RBFOX1: variants seen among roughly 807,000 people sequenced by gnomAD.
RBFOX1 encodes RNA binding fox-1 homolog 1, also known as RNA binding protein fox-1 homolog 1.
In RBFOX1, 8 loss-of-function variants were observed where a neutral mutation model predicts 57.7. The ratio of observed to expected loss-of-function variants is 0.14; its 90% CI spans 0.08 to 0.25. The LOEUF is 0.25. Ranked by LOEUF, RBFOX1 falls within the 10% of genes least tolerant of loss-of-function variation. RBFOX1 has a pLI of 1.00. For missense variants in RBFOX1, 611 were observed against 548.5 expected (o/e 1.11, Z -1.14); for synonymous variants, 326 against 222.4 (o/e 1.47, Z -4.15).
intron 4 of RBFOX1, among the ~76,000 whole-genome samples, chr16:5,935,429 G>C (rs2059148567): frequency 6.6e-6 from 1 of 152,178 alleles, no homozygotes; most frequent in African/African-American, 2.4e-5. Context: ...AGCATAAGGA[G>C]ATTTAGGAAT....
At chr16:6,734,058 G>T (rs2069406139) in intron 3 of RBFOX1, among the ~76,000 whole-genome samples, 1 of 152,160 alleles carries the variant, frequency 6.6e-6, no homozygotes, top group South Asian at 2.1e-4. Flanking sequence ...GGTCATTTTA[G>T]AGAACTTATA....
At chr16:6,830,562 G>T (rs1201844904) in intron 3 of RBFOX1, among the ~76,000 whole-genome samples, 3 of 152,158 alleles carry the variant, frequency 2.0e-5, no homozygotes, top group Admixed American at 6.5e-5. Context: ...ATTCTGGTTT[G>T]TCAGAATGGG....
chr16:7,046,023 ACTTGTATTT>A (rs2047814848), intron 3 of RBFOX1, among the ~76,000 whole-genome samples: 1 of 152,156 alleles, frequency 6.6e-6, no homozygotes. Context: ...TTTTAAAAAC[ACTTGTATTT>A]CTGCAAGGTA....
chr16:6,857,300 A>G (rs553738049), intron 3 of RBFOX1, among the ~76,000 whole-genome samples: 1 of 152,314 alleles, frequency 6.6e-6, no homozygotes, highest in African/African-American at 2.4e-5. Flanking sequence ...CCAAAGAAGA[A>G]GTCAACACCT....
intron 3 of RBFOX1, among the ~76,000 whole-genome samples, chr16:6,667,390 G>C (rs2154105764): frequency 6.6e-6 from 1 of 152,292 alleles, no homozygotes; most frequent in East Asian, 1.9e-4. Flanking sequence ...GTGGCTAAGA[G>C]CTTCAGCTTA....
intron 4 of RBFOX1, among the ~76,000 whole-genome samples, chr16:7,280,280 T>C (rs2095515640): frequency 6.6e-6 from 1 of 152,226 alleles, no homozygotes; most frequent in African/African-American, 2.4e-5. Context: ...CTTCCCCAGC[T>C]TCACTTAGAT....
chr16:7,074,405 C>T (rs1179427571), intron 4 of RBFOX1, among the ~76,000 whole-genome samples: 1 of 151,924 alleles, frequency 6.6e-6, no homozygotes, highest in African/African-American at 2.4e-5. Context: ...GCAAAAGCTG[C>T]AATTATTTTG....
chr16:5,379,707 C>A (rs144335479), intron 1 of RBFOX1, among the ~76,000 whole-genome samples: 512 of 152,218 alleles, frequency 3.4e-3, no homozygotes, highest in Middle Eastern at 0.02. Context: ...TCTGGAGGAC[C>A]CTGGGGGTCT....
At chr16:7,663,254 C>G (rs143552618) in intron 12 of RBFOX1, among the ~76,000 whole-genome samples, 4 of 152,322 alleles carry the variant, frequency 2.6e-5, no homozygotes, top group Admixed American at 6.5e-5. Flanking sequence ...ACGATGCACA[C>G]CTCAGCATCT....
At chr16:6,852,655 A>G (rs570035851) in intron 3 of RBFOX1, among the ~76,000 whole-genome samples, 2 of 151,844 alleles carry the variant, frequency 1.3e-5, no homozygotes, top group South Asian at 2.1e-4. Context: ...GCTGGGAACT[A>G]GCTGTCCAGG....
At chr16:7,675,097 G>A (rs539663860) in intron 13 of RBFOX1, among the ~76,000 whole-genome samples, 2 of 152,242 alleles carry the variant, frequency 1.3e-5, no homozygotes, top group East Asian at 3.9e-4. Flanking sequence ...GCCAGTTCTA[G>A]CCCCTCCCTA....
chr16:6,880,594 C>T (rs1024818622), intron 3 of RBFOX1, among the ~76,000 whole-genome samples: 2 of 152,044 alleles, frequency 1.3e-5, no homozygotes, highest in African/African-American at 4.8e-5. Flanking sequence ...TCTTTCTGGA[C>T]TGTCTGAAAT....
At chr16:6,724,296 G>A (rs926234316) in intron 3 of RBFOX1, among the ~76,000 whole-genome samples, 1 of 145,692 alleles carries the variant, frequency 6.9e-6, no homozygotes, top group African/African-American at 2.6e-5. Context: ...TGTAACCTCT[G>A]CCTCCTGGCT....
chr16:7,173,125 A>C (rs1368736534), intron 4 of RBFOX1, among the ~76,000 whole-genome samples: 3 of 152,202 alleles, frequency 2.0e-5, no homozygotes, highest in African/African-American at 7.2e-5. Context: ...CTTTTTGATT[A>C]TTCATATTTC....
chr16:5,727,529 C>A (rs1296802733), intron 3 of RBFOX1, among the ~76,000 whole-genome samples: 1 of 152,148 alleles, frequency 6.6e-6, no homozygotes, highest in Admixed American at 6.5e-5. Context: ...TTCAAATGTA[C>A]AATACAGTGC....
intron 3 of RBFOX1, among the ~76,000 whole-genome samples, chr16:6,682,088 G>A (rs1039622040): frequency 6.6e-6 from 1 of 152,182 alleles, no homozygotes; most frequent in Non-Finnish European, 1.5e-5. Flanking sequence ...AGAACAAAAT[G>A]TCACGATTCT....
chr16:6,285,169 T>C (rs2076773815), intron 1 of RBFOX1, among the ~76,000 whole-genome samples: 1 of 152,098 alleles, frequency 6.6e-6, no homozygotes, highest in Admixed American at 6.6e-5. Context: ...TCAGTGGCCC[T>C]GGATAGGGGA....
intron 4 of RBFOX1, among the ~76,000 whole-genome samples, chr16:7,303,482 G>C (rs537736572): frequency 2.0e-5 from 3 of 152,234 alleles, no homozygotes; most frequent in South Asian, 2.1e-4. Flanking sequence ...GCCTGATGCC[G>C]GGCGCGCGGG....
At chr16:6,452,172 A>T (rs1371979277) in intron 2 of RBFOX1, among the ~76,000 whole-genome samples, 2 of 95,932 alleles carry the variant, frequency 2.1e-5, no homozygotes, top group Non-Finnish European at 4.2e-5. Flanking sequence ...CCATCCATGG[A>T]TCCTTCCTTC....
Sources: gnomAD v4.1 joint callset for allele counts (sites outside exome capture counted in the v4.1 genomes callset) on GRCh38, gnomAD v4.1.1 for gene constraint, MANE v1.5 for transcripts, NCBI Gene and HGNC (gene_info 2026-07-23, HGNC 2026-07-21) for gene names.